S100A8: variants seen among roughly 807,000 people sequenced by gnomAD.
The protein encoded by S100A8 is protein S100-A8.
A neutral mutation model predicts 4.2 loss-of-function variants in S100A8; 1 was observed. The ratio of observed to expected loss-of-function variants is 0.24; its 90% CI spans 0.08 to 1.12. S100A8 has a LOEUF of 1.12. Ranked by LOEUF, S100A8 falls within the 50% of genes most tolerant of loss-of-function variation. The pLI is 0.53. For synonymous variants in S100A8, 41 were observed against 44.7 expected, an observed-to-expected ratio of 0.92 and a Z score of 0.33; for missense variants, 96 against 111.8, an observed-to-expected ratio of 0.86 and a Z score of 0.64.
At chr1:153,419,283 GCGCC>G in the S100A8 span, 1 of 1,614,094 alleles carries the variant, frequency 6.2e-7, no homozygotes, top group Non-Finnish European at 8.5e-7. Context: ...CCATGGAGCG[GCGCC>G]CTGTTCTGGG....
chr1:153,411,093 T>G, the S100A8 span, among the ~76,000 whole-genome samples: 1 of 152,144 alleles, frequency 6.6e-6, no homozygotes, highest in Admixed American at 6.6e-5. Flanking sequence ...CCTCTCTCAC[T>G]ACTCCTATTC....
chr1:153,393,983 G>A (rs959401916), upstream of S100A8, among the ~76,000 whole-genome samples: 12 of 152,142 alleles, frequency 7.9e-5, no homozygotes, highest in Non-Finnish European at 1.8e-4. Flanking sequence ...CAGAAACTGC[G>A]CCCCTGGACA....
chr1:153,422,440 T>C, the S100A8 span: 1 of 871,600 alleles, frequency 1.1e-6, no homozygotes, highest in Non-Finnish European at 1.4e-6. Flanking sequence ...TTACTTGATT[T>C]GGAATAATTA....
the S100A8 span, among the ~76,000 whole-genome samples, chr1:153,413,973 T>C: frequency 4.3e-4 from 66 of 152,318 alleles, no homozygotes; most frequent in African/African-American, 1.4e-3. Context: ...CACTAATCAA[T>C]AGGAAATATT....
At chr1:153,401,067 C>A in the S100A8 span, among the ~76,000 whole-genome samples, 1 of 152,170 alleles carries the variant, frequency 6.6e-6, no homozygotes, top group Non-Finnish European at 1.5e-5. Context: ...ATGCCAATAC[C>A]CAGTGATGAT....
the S100A8 span, chr1:153,421,700 G>A: frequency 6.6e-6 from 1 of 152,284 alleles, no homozygotes; most frequent in Non-Finnish European, 1.5e-5. Context: ...CAAAAGAAGA[G>A]AGGGTCTCCC....
chr1:153,395,031 T>C (rs150199004), upstream of S100A8, among the ~76,000 whole-genome samples: 1 of 151,858 alleles, frequency 6.6e-6, no homozygotes, highest in Non-Finnish European at 1.5e-5. Flanking sequence ...CTGCATTAGA[T>C]CCCTAGAGTC....
At chr1:153,395,207 C>A (rs1662188381), upstream of S100A8, among the ~76,000 whole-genome samples, 1 of 152,114 alleles carries the variant, frequency 6.6e-6, no homozygotes, top group East Asian at 1.9e-4. Context: ...CAGACCCAAC[C>A]CTTCTCTCCC....
At chr1:153,401,060 C>A in the S100A8 span, among the ~76,000 whole-genome samples, 1 of 152,332 alleles carries the variant, frequency 6.6e-6, no homozygotes, top group South Asian at 2.1e-4. Context: ...CTACGCCATG[C>A]CAATACCCAG....
At chr1:153,410,930 C>T in the S100A8 span, among the ~76,000 whole-genome samples, 250 of 152,264 alleles carry the variant, frequency 1.6e-3, 1 homozygote, top group Non-Finnish European at 2.7e-3. Context: ...AATTCAACAG[C>T]CCTTCATGCT....
chr1:153,399,099 G>A, the S100A8 span, among the ~76,000 whole-genome samples: 1 of 152,158 alleles, frequency 6.6e-6, no homozygotes, highest in East Asian at 1.9e-4. Flanking sequence ...CTGTTGGGGT[G>A]AGTATCCAAA....
At chr1:153,406,352 T>C in the S100A8 span, among the ~76,000 whole-genome samples, 1 of 152,130 alleles carries the variant, frequency 6.6e-6, no homozygotes, top group Admixed American at 6.5e-5. Context: ...ATGATGGCTC[T>C]GCCTGGAGAA....
chr1:153,401,451 C>T, the S100A8 span, among the ~76,000 whole-genome samples: 2 of 152,142 alleles, frequency 1.3e-5, no homozygotes, highest in East Asian at 3.9e-4. Context: ...TAGAAAAGAA[C>T]CATAAACATG....
chr1:153,416,197 G>A, the S100A8 span, among the ~76,000 whole-genome samples: 1 of 152,180 alleles, frequency 6.6e-6, no homozygotes, highest in African/African-American at 2.4e-5. Context: ...GCCTTTGGGA[G>A]TCTGAAACTC....
the S100A8 span, among the ~76,000 whole-genome samples, chr1:153,410,407 A>G: frequency 3.9e-5 from 6 of 152,214 alleles, no homozygotes; most frequent in Non-Finnish European, 7.3e-5. Context: ...CTGGACACAT[A>G]CACCCTCCCA....
the S100A8 span, among the ~76,000 whole-genome samples, chr1:153,401,883 A>G: frequency 2.0e-5 from 3 of 152,150 alleles, no homozygotes; most frequent in Admixed American, 6.5e-5. Context: ...GATTTTTGCC[A>G]GTTCTTACCA....
chr1:153,409,003 T>G, the S100A8 span, among the ~76,000 whole-genome samples: 2 of 152,170 alleles, frequency 1.3e-5, no homozygotes, highest in Non-Finnish European at 2.9e-5. Flanking sequence ...GGAACAACCG[T>G]TACCAGCCAC....
At chr1:153,414,375 T>C in the S100A8 span, among the ~76,000 whole-genome samples, 4 of 152,232 alleles carry the variant, frequency 2.6e-5, no homozygotes, top group Non-Finnish European at 4.4e-5. Flanking sequence ...CTTTGTATGT[T>C]ATCCAAAACG....
At chr1:153,402,537 G>A in the S100A8 span, among the ~76,000 whole-genome samples, 108 of 152,322 alleles carry the variant, frequency 7.1e-4, no homozygotes, top group Middle Eastern at 6.8e-3. Context: ...AGCCCAGAAA[G>A]ACAGGAGATG....
Sources: gnomAD v4.1 joint callset for allele counts (sites outside exome capture counted in the v4.1 genomes callset) on GRCh38, gnomAD v4.1.1 for gene constraint, MANE v1.5 for transcripts, NCBI Gene and HGNC (gene_info 2026-07-23, HGNC 2026-07-21) for gene names.